Variants in TPRG1 observed in about 807,000 individuals in gnomAD.
TPRG1 encodes the protein tumor protein p63 regulated 1.
Under a neutral mutation model 29.3 loss-of-function variants are expected in TPRG1, and 29 were observed. That is an observed-to-expected ratio of 0.99 (90% CI 0.74 to 1.35). The LOEUF is 1.35. Among genes scored for constraint, TPRG1 ranks in the 40% most tolerant of loss-of-function variants. TPRG1 has a pLI of 0.00. For missense variants in TPRG1, 327 were observed against 335.0 expected, an observed-to-expected ratio of 0.98 and a Z score of 0.19; for synonymous variants, 130 against 116.8, an observed-to-expected ratio of 1.11 and a Z score of -0.73.
At chr3:189,074,125 G>A (rs1405639809) in intron 4 of TPRG1, among the ~76,000 whole-genome samples, 1 of 149,590 alleles carries the variant, frequency 6.7e-6, no homozygotes, top group Non-Finnish European at 1.5e-5. Context: ...CTGCTGTATA[G>A]ATTTGGTGTA....
chr3:189,111,134 G>A (rs1720470542), intron 1 of TPRG1, among the ~76,000 whole-genome samples: 1 of 151,724 alleles, frequency 6.6e-6, no homozygotes. Flanking sequence ...AATCTTACTA[G>A]AATTGCATTG....
intron 4 of TPRG1, among the ~76,000 whole-genome samples, chr3:189,067,733 T>A (rs1016339841): frequency 6.6e-6 from 1 of 152,030 alleles, no homozygotes; most frequent in Non-Finnish European, 1.5e-5. Flanking sequence ...AAGGAAAACA[T>A]TGGGGAAACT....
chr3:189,284,858 C>T (rs2109159600), intron 4 of TPRG1, among the ~76,000 whole-genome samples: 1 of 152,274 alleles, frequency 6.6e-6, no homozygotes, highest in Non-Finnish European at 1.5e-5. Flanking sequence ...CTAGACAATA[C>T]CATTCAGGAC....
intron 4 of TPRG1, among the ~76,000 whole-genome samples, chr3:189,258,843 C>T (rs575963784): frequency 1.6e-4 from 25 of 152,128 alleles, no homozygotes; most frequent in East Asian, 3.9e-4. Flanking sequence ...TAATGGTGGA[C>T]GCCCCTCCCC....
At chr3:189,317,389 T>C (rs1427193312) in intron 5 of TPRG1, among the ~76,000 whole-genome samples, 1 of 152,158 alleles carries the variant, frequency 6.6e-6, no homozygotes, top group Non-Finnish European at 1.5e-5. Context: ...AACTCCAAAT[T>C]TCAGGCTCAT....
At chr3:189,160,841 T>C (rs1197803475) in intron 5 of TPRG1, among the ~76,000 whole-genome samples, 1 of 152,230 alleles carries the variant, frequency 6.6e-6, no homozygotes, top group East Asian at 1.9e-4. Context: ...TAGTAATGAA[T>C]TCCTTCTTTA....
chr3:189,246,987 T>G (rs1741468309), intron 4 of TPRG1, among the ~76,000 whole-genome samples: 1 of 152,154 alleles, frequency 6.6e-6, no homozygotes, highest in Admixed American at 6.6e-5. Flanking sequence ...TGAGATTATC[T>G]AAGCTTCTCA....
chr3:189,105,403 T>G (rs1303050676), intron 1 of TPRG1, among the ~76,000 whole-genome samples: 1 of 152,124 alleles, frequency 6.6e-6, no homozygotes, highest in Non-Finnish European at 1.5e-5. Context: ...TATCCATTTC[T>G]CCACCCTACC....
intron 1 of TPRG1, among the ~76,000 whole-genome samples, chr3:189,124,245 C>T (rs2378473): frequency 0.43 from 65,659 of 151,744 alleles, 19,192 homozygotes; most frequent in African/African-American, 0.82. Flanking sequence ...CTCAGTCTAA[C>T]GGAAGAAGCA....
At chr3:189,312,173 C>CTTTG (rs1722737879) in intron 5 of TPRG1, among the ~76,000 whole-genome samples, 1 of 63,506 alleles carries the variant, frequency 1.6e-5, no homozygotes, top group East Asian at 5.9e-4. Flanking sequence ...TTCTTTCTTT[C>CTTTG]TTTCTTTCTT....
intron 4 of TPRG1, among the ~76,000 whole-genome samples, chr3:189,252,502 A>G (rs1432625106): frequency 1.3e-5 from 2 of 152,200 alleles, no homozygotes; most frequent in Non-Finnish European, 2.9e-5. Flanking sequence ...TTATTCCAAG[A>G]TTTTAATTAA....
chr3:189,206,418 T>C (rs576626160), intron 1 of TPRG1, among the ~76,000 whole-genome samples: 1 of 152,118 alleles, frequency 6.6e-6, no homozygotes, highest in African/African-American at 2.4e-5. Flanking sequence ...TACAGTGTTG[T>C]ATGAGATATA....
rs1360872655 is a variant in TPRG1 at position 189,323,306 on chromosome 3, G to C, written c.*2486G>C. 6.6e-6 allele frequency: 1 copy of C among 151,880 alleles called. No individual in the cohort carries two copies. The highest frequency in any genetic ancestry group is 1.5e-5 in the Non-Finnish European group (1 of 67,954). 9.4% of individuals were successfully genotyped at this position (151,880 alleles called of 1,614,324 possible). ...GTTAATTAGACCCATTTTTTTCTTA[G>C]GAAAGAGTTGGATCAATCATGGGAG... On this transcript the variant is annotated 3_prime_UTR_variant, in exon 6 of 6. Coordinates refer to ENST00000345063, the MANE Select transcript of TPRG1 (RefSeq NM_198485.4).
intron 4 of TPRG1, among the ~76,000 whole-genome samples, chr3:189,256,625 A>G (rs1411548658): frequency 1.3e-5 from 2 of 152,004 alleles, no homozygotes; most frequent in Non-Finnish European, 2.9e-5. Flanking sequence ...TCCCACTATT[A>G]TTGTGTGGGA....
chr3:189,224,986 CA>C (rs1487504250), intron 3 of TPRG1, among the ~76,000 whole-genome samples: 15 of 147,036 alleles, frequency 1.0e-4, no homozygotes, highest in Non-Finnish European at 1.6e-4. Flanking sequence ...GGCTGGAGTG[CA>C]GTGGCGTGAT....
intron 4 of TPRG1, among the ~76,000 whole-genome samples, chr3:189,082,155 G>A (rs1203741291): frequency 6.6e-6 from 1 of 152,136 alleles, no homozygotes; most frequent in Admixed American, 6.5e-5. Context: ...AACATAAGAG[G>A]GTGTGTGTCT....
At chr3:189,064,894 T>G (rs557618275) in intron 4 of TPRG1, among the ~76,000 whole-genome samples, 7 of 152,218 alleles carry the variant, frequency 4.6e-5, no homozygotes, top group African/African-American at 1.4e-4. Context: ...AACTAATAAT[T>G]AAGAAATCTC....
At chr3:189,221,716 T>C (rs967581775) in intron 3 of TPRG1, among the ~76,000 whole-genome samples, 1 of 152,240 alleles carries the variant, frequency 6.6e-6, no homozygotes, top group Non-Finnish European at 1.5e-5. Flanking sequence ...GGTTGCCTCT[T>C]TAAGTATCCT....
In TPRG1 at chr3:189,085,451, G is replaced by GTGTGTGTGTGTGCA. The variant is rs1553900888; in HGVS notation, c.-462-41594_-462-41593insCATGTGTGTGTGTG. Among the ~76,000 whole-genome samples the GTGTGTGTGTGTGCA allele has an allele frequency of 9.8e-5, 11 of 112,266 alleles. 1 individual carries two copies. The highest frequency in any genetic ancestry group is 8.2e-5 in the Admixed American group (1 of 12,132). 73.7% of individuals were successfully genotyped at this position (112,266 alleles called of 152,430 possible). On this transcript the variant is annotated intron_variant, in intron 4 of 10. Coordinates refer to the TPRG1 transcript ENST00000433971. ...CTCGTGTCTGTGTGTGTGTGCATGTGTGTGTGTGTGTGTGTGTGTGTGTAT... is the reference window on the plus strand; with the variant it reads ...CTCGTGTCTGTGTGTGTGTGCATGTGTGTGTGTGTGTGCATGTGTGTGTGTGTGTGTGTGTGTAT...
Sources: gnomAD v4.1 joint callset for allele counts (sites outside exome capture counted in the v4.1 genomes callset) on GRCh38, gnomAD v4.1.1 for gene constraint, MANE v1.5 for transcripts, NCBI Gene and HGNC (gene_info 2026-07-23, HGNC 2026-07-21) for gene names.